The following ZFPM1 variants were observed in gnomAD, a reference collection of about 807,000 sequenced individuals.
ZFPM1 encodes the protein zinc finger protein ZFPM1.
In ZFPM1, 28 loss-of-function variants were observed where a neutral mutation model predicts 46.3. That is an observed-to-expected ratio of 0.60 (90% CI 0.45 to 0.83). The LOEUF (loss-of-function observed/expected upper bound fraction) is 0.83, where lower values mean the gene tolerates loss of function less well. Ranked by LOEUF, ZFPM1 falls within the 40% of genes least tolerant of loss-of-function variation. The probability of loss-of-function intolerance (pLI) is 0.00; values close to 1 mark genes in which losing one functional copy is unlikely to be tolerated. For synonymous variants in ZFPM1, 957 were observed against 675.9 expected, an observed-to-expected ratio of 1.42 and a Z score of -6.45; for missense variants, 1,878 against 1,432.4, an observed-to-expected ratio of 1.31 and a Z score of -5.02.
At chr16:88,529,395 G>A (rs1197731958) in intron 6 of ZFPM1, among the ~76,000 whole-genome samples, 1 of 152,232 alleles carries the variant, frequency 6.6e-6, no homozygotes, top group African/African-American at 2.4e-5. Flanking sequence ...ACGGCTTGAA[G>A]TAGGTGGAGG....
intron 1 of ZFPM1, among the ~76,000 whole-genome samples, chr16:88,473,820 C>T (rs1908539127): frequency 6.6e-6 from 1 of 152,220 alleles, no homozygotes. Context: ...CCCATCCTCA[C>T]CTTCACCCTG....
chr16:88,533,068 C>T lies in ZFPM1; in HGVS notation c.1190-80C>T, dbSNP rs1320722430. 1.2e-5 allele frequency: 17 copies of T among 1,469,986 alleles called. No individual in the cohort carries two copies. The African/African-American group carries it at 1.5e-4, about 13-fold the overall frequency. The allele number at this position is 1,469,986 out of a possible 1,614,324, so 91.1% of individuals were successfully genotyped here. A position where few individuals can be genotyped will look rare whatever the true frequency, so the allele number is the denominator to read the frequency against. On this transcript the variant is annotated intron_variant, in intron 9 of 9. Transcript: ENST00000319555. ...TAAACCACTCCCGCCCACCCCTCCC[C>T]TTCCGGAGCTCGCCCTCCAGCTCTG...
At chr16:88,526,562 C>G (rs1567553201) in intron 4 of ZFPM1, among the ~76,000 whole-genome samples, 1 of 152,202 alleles carries the variant, frequency 6.6e-6, no homozygotes, top group Non-Finnish European at 1.5e-5. Context: ...GAACCCTGCG[C>G]CCAACCCTGG....
intron 4 of ZFPM1, among the ~76,000 whole-genome samples, chr16:88,521,720 TCCCCCTCCCCTGTGCTGTTCCC>T (rs1911907383): frequency 8.5e-6 from 1 of 118,268 alleles, no homozygotes; most frequent in Admixed American, 9.0e-5. Context: ...CCTGTGCTGT[TCCCCCTCCCCTGTGCTGTTCCC>T]ACACCCTGTG....
At chr16:88,478,400 CCTCTCATAG>C (rs1908779802) in intron 1 of ZFPM1, among the ~76,000 whole-genome samples, 1 of 152,254 alleles carries the variant, frequency 6.6e-6, no homozygotes, top group South Asian at 2.1e-4. Flanking sequence ...CCCGCCTGGG[CCTCTCATAG>C]CCCCCGAGGG....
Position 88,534,762 on chromosome 16 carries a change from C to A in ZFPM1, c.2804C>A (p.Ser935Tyr), listed in dbSNP as rs969818929. Reference protein sequence around the residue: ...PQEPPPGPPPSPAAAPEAVPP... With the variant: ...PQEPPPGPPPYPAAAPEAVPP... The stretch of plus-strand genomic sequence containing the variant: ...GAGCCGCCGCCCGGCCCGCCCCCGT[C>A]CCCGGCCGCCGCGCCCGAGGCCGTG... Residue 935 changes from serine (S) to tyrosine (Y), a missense_variant, in exon 10 of 10, where the codon TCC becomes TAC. Coordinates refer to ENST00000319555, the MANE Select transcript of ZFPM1 (RefSeq NM_153813.3). 2.7e-6 allele frequency: 3 copies of A among 1,109,250 alleles called. No individual in the cohort carries two copies. In the African/African-American group the frequency reaches 5.0e-5, roughly 19 times the overall value. 68.7% of individuals were successfully genotyped at this position (1,109,250 alleles called of 1,614,324 possible).
At chr16:88,532,361 G>A (rs1381897155) in intron 7 of ZFPM1, 126 bp downstream of exon 7, 5 of 1,051,758 alleles carry the variant, frequency 4.8e-6, no homozygotes, top group South Asian at 1.7e-5. Context: ...GCGGTCTCCG[G>A]CACACCCAGG....
intron 4 of ZFPM1, among the ~76,000 whole-genome samples, chr16:88,520,761 ATGGATGGATGAT>A (rs1911802103): frequency 1.0e-5 from 1 of 96,648 alleles, no homozygotes; most frequent in Non-Finnish European, 2.0e-5. Flanking sequence ...GGGTGGGTGG[ATGGATGGATGAT>A]TGGGTGGATG....
intron 1 of ZFPM1, among the ~76,000 whole-genome samples, chr16:88,482,997 G>T (rs867597554): frequency 7.2e-5 from 11 of 152,316 alleles, no homozygotes; most frequent in Admixed American, 2.0e-4. Context: ...CACTCGGGTT[G>T]GGCCTCCTGT....
intron 1 of ZFPM1, among the ~76,000 whole-genome samples, chr16:88,459,698 C>G (rs1237805490): frequency 9.4e-6 from 1 of 106,852 alleles, no homozygotes. Flanking sequence ...CCCCTCCTCC[C>G]CTTCCCCCTT....
rs1322340895 is a variant in ZFPM1, at chr16:88,480,930, G to T, written c.41-5009G>T. 6.6e-6 allele frequency among the ~76,000 whole-genome samples: 1 copy of T among 152,248 alleles called. No homozygotes were observed. The highest frequency in any genetic ancestry group is 1.5e-5 in the Non-Finnish European group (1 of 68,054). On this transcript the variant is annotated intron_variant, in intron 1 of 9. Coordinates refer to ENST00000319555, the MANE Select transcript of ZFPM1 (RefSeq NM_153813.3). This position sits in a 1 kb window ranked among gnomAD's most constrained non-coding sequence, Gnocchi z 4.9. The stretch of plus-strand genomic sequence containing the variant: ...GGGAGGGGCCACCTTAATCGTCGGT[G>T]TGGGGACTTGGAAGGGAGCTGGGAT...
At chr16:88,524,982 G>A (rs1031925008) in intron 4 of ZFPM1, among the ~76,000 whole-genome samples, 7 of 152,222 alleles carry the variant, frequency 4.6e-5, no homozygotes, top group Admixed American at 3.3e-4. Context: ...CACCCGTTCT[G>A]TGGCTGAGCC....
At chr16:88,501,706 G>T (rs904911732) in intron 3 of ZFPM1, among the ~76,000 whole-genome samples, 1 of 144,814 alleles carries the variant, frequency 6.9e-6, no homozygotes, top group African/African-American at 2.7e-5. Flanking sequence ...TCTCCCGCAG[G>T]TGCTCTTGAT....
intron 3 of ZFPM1, among the ~76,000 whole-genome samples, chr16:88,495,430 C>A (rs1346634833): frequency 1.3e-5 from 2 of 152,234 alleles, no homozygotes; most frequent in Admixed American, 6.5e-5. Context: ...CTACCTGGGG[C>A]ACCGAGGAGG....
At chr16:88,467,936 C>T (rs1468051704) in intron 1 of ZFPM1, among the ~76,000 whole-genome samples, 1 of 152,148 alleles carries the variant, frequency 6.6e-6, no homozygotes, top group East Asian at 1.9e-4. Flanking sequence ...CCCCCTTCCC[C>T]TTATCTCACC....
At chr16:88,522,558 C>T (rs1181389664) in intron 4 of ZFPM1, among the ~76,000 whole-genome samples, 1 of 152,250 alleles carries the variant, frequency 6.6e-6, no homozygotes, top group Non-Finnish European at 1.5e-5. Flanking sequence ...GGAACGGCCT[C>T]AGATAAAGTT....
intron 3 of ZFPM1, among the ~76,000 whole-genome samples, chr16:88,504,388 C>G (rs921205214): frequency 1.3e-5 from 2 of 152,152 alleles, no homozygotes; most frequent in Admixed American, 6.5e-5. Context: ...GACCAGACTA[C>G]TAGGACCTGG....
intron 4 of ZFPM1, among the ~76,000 whole-genome samples, chr16:88,520,547 A>AGGAT (rs369543826): frequency 0.064 from 6,925 of 107,726 alleles, 259 homozygotes; most frequent in African/African-American, 0.087. Context: ...GGTGGCTGAA[A>AGGAT]GGATGGATGG....
intron 1 of ZFPM1, among the ~76,000 whole-genome samples, chr16:88,468,281 G>T (rs185915895): frequency 2.0e-5 from 3 of 152,010 alleles, no homozygotes; most frequent in Admixed American, 2.0e-4. Context: ...TGCCTGCGGC[G>T]CACAGAGCCA....
Sources: gnomAD v4.1 joint callset for allele counts (sites outside exome capture counted in the v4.1 genomes callset) on GRCh38, gnomAD v4.1.1 for gene constraint, Gnocchi (gnomAD v3.1) non-coding constraint, MANE v1.5 for transcripts, NCBI Gene and HGNC (gene_info 2026-07-23, HGNC 2026-07-21) for gene names.